The following DMXL1 variants were observed in gnomAD, a reference collection of about 807,000 sequenced individuals.
The protein encoded by DMXL1 is Dmx like 1, also known as dmX-like protein 1.
DMXL1 carries 99 observed loss-of-function variants against 319.2 expected under a neutral mutation model. The ratio of observed to expected loss-of-function variants is 0.31; its 90% CI spans 0.26 to 0.37. The LOEUF (loss-of-function observed/expected upper bound fraction) is 0.37. Ranked by LOEUF, DMXL1 falls within the 10% of genes least tolerant of loss-of-function variation. DMXL1 has a pLI of 1.00. For synonymous variants in DMXL1, 1,385 were observed against 1,235.2 expected (o/e 1.12, Z -2.54); for missense variants, 3,745 against 3,595.6 (o/e 1.04, Z -1.06).
chr5:119,120,327 A>G (rs1049929495), intron 8 of DMXL1, among the ~76,000 whole-genome samples: 33 of 152,250 alleles, frequency 2.2e-4, no homozygotes, highest in African/African-American at 6.5e-4. Flanking sequence ...TGATTCAACA[A>G]CGAATAGAAT....
chr5:119,160,809 A>G (rs1276194832), intron 19 of DMXL1, among the ~76,000 whole-genome samples: 1 of 152,116 alleles, frequency 6.6e-6, no homozygotes, highest in African/African-American at 2.4e-5. Flanking sequence ...CTTAAAGTCT[A>G]TTTTGTCTAA....
intron 2 of DMXL1, among the ~76,000 whole-genome samples, chr5:119,099,046 C>T (rs1489417306): frequency 2.0e-5 from 3 of 152,082 alleles, no homozygotes; most frequent in Non-Finnish European, 2.9e-5. Flanking sequence ...GACTACTGTT[C>T]TTTTTGTTAC....
intron 28 of DMXL1, among the ~76,000 whole-genome samples, chr5:119,187,258 A>C (rs113940039): frequency 2.0e-5 from 3 of 152,002 alleles, no homozygotes; most frequent in Non-Finnish European, 2.9e-5. Flanking sequence ...CCCTAATACT[A>C]TTTTCTTTCT....
intron 19 of DMXL1, among the ~76,000 whole-genome samples, chr5:119,153,011 C>T (rs1353956902): frequency 2.6e-5 from 4 of 151,040 alleles, no homozygotes; most frequent in Non-Finnish European, 5.9e-5. Flanking sequence ...GAGTCTTGCT[C>T]TGTCACCCAG....
At chr5:119,072,535 C>A (rs1749852253) in intron 1 of DMXL1, among the ~76,000 whole-genome samples, 1 of 151,794 alleles carries the variant, frequency 6.6e-6, no homozygotes, top group African/African-American at 2.4e-5. Context: ...AGGCTTTTTT[C>A]TTTAAAAAAA....
In DMXL1 at chr5:119,220,901, T is replaced by C. The variant is rs752396948; in HGVS notation, c.8136-39T>C. The C allele has an allele frequency of 2.5e-6, 4 of 1,590,232 alleles. No individual in the cohort carries two copies. The South Asian group carries it at 4.6e-5, about 18-fold the overall frequency. The stretch of plus-strand genomic sequence containing the variant: ...CTTTCAAGTGTAAAAAAGAAAGAAA[T>C]GATGAGTTGTTTTTATTCTGGTTGA... On this transcript the variant is annotated intron_variant, in intron 36 of 43. Coordinates refer to ENST00000539542, the MANE Select transcript of DMXL1 (RefSeq NM_001290321.3).
intron 1 of DMXL1, among the ~76,000 whole-genome samples, chr5:119,085,715 C>T (rs4895359): frequency 0.039 from 5,961 of 152,174 alleles, 178 homozygotes; most frequent in Middle Eastern, 0.065. Flanking sequence ...GCCAGGACTT[C>T]TAGTACTATA....
chr5:119,091,714 T>C (rs890878555), intron 1 of DMXL1, among the ~76,000 whole-genome samples: 4 of 152,140 alleles, frequency 2.6e-5, no homozygotes, highest in African/African-American at 9.7e-5. Context: ...CTGCCGTTCC[T>C]AAAGTGAGGA....
intron 1 of DMXL1, among the ~76,000 whole-genome samples, chr5:119,078,852 G>T (rs1220190204): frequency 5.9e-5 from 9 of 152,154 alleles, no homozygotes; most frequent in Admixed American, 5.9e-4. Context: ...ATTACCTGTT[G>T]TTTCACCGTT....
At chr5:119,202,071 A>G (rs1373640903) in intron 32 of DMXL1, among the ~76,000 whole-genome samples, 1 of 151,692 alleles carries the variant, frequency 6.6e-6, no homozygotes, top group Admixed American at 6.6e-5. Context: ...AATTTCTTTC[A>G]TTTCAGCTTT....
chr5:119,209,632 C>T (rs1315605781), intron 34 of DMXL1, among the ~76,000 whole-genome samples: 1 of 151,956 alleles, frequency 6.6e-6, no homozygotes, highest in African/African-American at 2.4e-5. Context: ...ACAGGTGTGA[C>T]CCACCATGCC....
chr5:119,193,458 C>G (rs1407126668), intron 29 of DMXL1, among the ~76,000 whole-genome samples: 1 of 152,140 alleles, frequency 6.6e-6, no homozygotes, highest in Admixed American at 6.6e-5. Flanking sequence ...TCTCAATTCT[C>G]CTTATTCTCC....
chr5:119,071,411 G>A lies in DMXL1; in HGVS notation c.-159G>A. On this transcript the variant is annotated 5_prime_UTR_variant, in exon 1 of 44. Transcript: ENST00000539542. ...CCCTCCGGGGCTCGGGATGAGTCGCGGGCCCCAGCTGAGCGGCTCCGGCTC... is the reference window on the plus strand; with the variant it reads ...CCCTCCGGGGCTCGGGATGAGTCGCAGGCCCCAGCTGAGCGGCTCCGGCTC... The A allele has an allele frequency of 1.5e-6, 1 of 683,864 alleles. No individual in the cohort carries two copies. The highest frequency in any genetic ancestry group is 2.4e-6 in the Non-Finnish European group (1 of 411,358). 42.4% of individuals were successfully genotyped at this position (683,864 alleles called of 1,614,324 possible). A position where few individuals can be genotyped will look rare whatever the true frequency, so the allele number is the denominator to read the frequency against.
rs35366387 is a variant in DMXL1 at position 119,208,593 on chromosome 5, A to G, written c.7926+1697A>G. Among the ~76,000 whole-genome samples the G allele has an allele frequency of 7.3e-3, 1,110 of 152,268 alleles. 46 individuals are homozygous for G. The East Asian group carries it at 0.11, about 16-fold the overall frequency. On this transcript the variant is annotated intron_variant, in intron 34 of 43. Coordinates refer to ENST00000539542, the MANE Select transcript of DMXL1 (RefSeq NM_001290321.3). ...CTAATAATCATAATGTTGTATTTCT[A>G]TAGTCAGCTTCATGCTACGTCAAAA...
chr5:119,146,821 TC>T lies in DMXL1; in HGVS notation c.2570-15del. On this transcript the variant is annotated splice_polypyrimidine_tract_variant and intron_variant, in intron 15 of 43. Transcript: ENST00000539542. The stretch of plus-strand genomic sequence containing the variant: ...TTACACATAGTAACAGTGAAAAATA[TC>T]ATTAATACCAACAGGCAGCTCACCT... 1 of 1,603,748 alleles carries T rather than the reference TC, an allele frequency of 6.2e-7. No homozygotes were observed. The highest frequency in any genetic ancestry group is 8.5e-7 in the Non-Finnish European group (1 of 1,175,608).
At chr5:119,147,604 A>C in intron 17 of DMXL1, 134 bp downstream of exon 17, 1 of 608,276 alleles carries the variant, frequency 1.6e-6, no homozygotes, top group Non-Finnish European at 2.9e-6. Flanking sequence ...AAGTACCCTA[A>C]ATTGAAGACT....
At chr5:119,202,886 T>TAC (rs1781023025) in intron 32 of DMXL1, among the ~76,000 whole-genome samples, 2 of 64,120 alleles carry the variant, frequency 3.1e-5, no homozygotes, top group Non-Finnish European at 6.8e-5. Context: ...TATATATTTT[T>TAC]ATATATATAT....
At chr5:119,187,899 G>A (rs1433064163) in intron 28 of DMXL1, among the ~76,000 whole-genome samples, 2 of 152,158 alleles carry the variant, frequency 1.3e-5, no homozygotes, top group Non-Finnish European at 2.9e-5. Flanking sequence ...CAGGTGATCT[G>A]CCCACCTCTG....
chr5:119,236,741 C>T (rs973763190), intron 39 of DMXL1: 1 of 151,718 alleles, frequency 6.6e-6, no homozygotes, highest in African/African-American at 2.4e-5. Context: ...TAATAAGCTG[C>T]GTTATTTTTA....
Sources: allele counts gnomAD v4.1 joint callset (sites outside exome capture counted in the v4.1 genomes callset), GRCh38; gene constraint gnomAD v4.1.1; transcripts MANE v1.5; gene names NCBI Gene and HGNC (gene_info 2026-07-23, HGNC 2026-07-21).